Variants in COL2A1 observed in about 807,000 individuals in gnomAD.
The protein encoded by COL2A1 is collagen alpha-1(II) chain.
In COL2A1, 28 loss-of-function variants were observed where a neutral mutation model predicts 204.5. The ratio of observed to expected loss-of-function variants is 0.14; its 90% confidence interval spans 0.10 to 0.19. COL2A1 has a LOEUF of 0.19. COL2A1 is among the 10% of genes least tolerant of loss of function. COL2A1 has a pLI of 1.00. For missense variants in COL2A1, 1,388 were observed against 2,027.5 expected, an observed-to-expected ratio of 0.68 and a Z score of 6.06; for synonymous variants, 708 against 718.7, an observed-to-expected ratio of 0.99 and a Z score of 0.24.
intron 26 of COL2A1, 23 bp from the exon 27 acceptor site, chr12:47,985,116 C>T (rs1201871706): frequency 1.3e-6 from 2 of 1,587,468 alleles, no homozygotes; most frequent in African/African-American, 2.7e-5. Context: ...ACACCATTCT[C>T]AGAACATAGA....
Position 47,978,143 on chromosome 12 carries a change from G to T in COL2A1, c.3004-26C>A. ...CTGGAGGGACAGAGACAAGGATGAT[G>T]AGTGCAAGTGGTAAGCACCCCTGCC... On this transcript the variant is annotated intron_variant, in intron 43 of 53. Coordinates refer to ENST00000380518, the MANE Select transcript of COL2A1 (RefSeq NM_001844.5). This position sits in a 1 kb window ranked among gnomAD's most constrained non-coding sequence, Gnocchi z 5.5. The T allele has an allele frequency of 3.1e-6, 5 of 1,603,870 alleles. No individual in the cohort carries two copies. In the South Asian group the frequency reaches 4.4e-5, roughly 14 times the overall value.
intron 30 of COL2A1, 85 bp downstream of exon 30, chr12:47,983,598 C>A (rs1408453791): frequency 3.4e-6 from 5 of 1,487,438 alleles, no homozygotes; most frequent in Non-Finnish European, 4.6e-6. Context: ...GAGGTGTGGG[C>A]CCTCCACCGA....
Position 47,978,746 on chromosome 12 carries a change from G to A in COL2A1, c.2746C>T (p.Pro916Ser), listed in dbSNP as rs748669015. ...CCAGAAGGACCAGGGGGACCAGGGG[G>A]TCCAGGGTTGCCCTAGAAGGAGAAA... is the stretch of plus-strand genomic sequence containing the variant. ...GPPGSNGNPG[P>S]PGPPGPSGKD... The change falls in exon 42 of 54, where the codon CCC becomes TCC. Residue 916 changes from proline to serine, a missense_variant. Pro to Ser is a moderately conservative substitution (Grantham distance 74, BLOSUM62 -1). Transcript: ENST00000380518. This position sits in a 1 kb window ranked among gnomAD's most constrained non-coding sequence, Gnocchi z 5.5. 5 of 1,613,034 alleles carry A rather than the reference G, an allele frequency of 3.1e-6. No individual in the cohort carries two copies. In the South Asian group the frequency reaches 3.3e-5, roughly 11 times the overall value.
intron 53 of COL2A1, 42 bp from the exon 54 acceptor site, chr12:47,973,595 T>G: frequency 6.2e-7 from 1 of 1,612,774 alleles, no homozygotes; most frequent in Non-Finnish European, 8.5e-7. Context: ...AGTAGATGCC[T>G]TGCTACCCAG....
intron 37 of COL2A1, 128 bp downstream of exon 37, chr12:47,981,215 G>A (rs1939060964): frequency 2.1e-5 from 22 of 1,060,994 alleles, no homozygotes; most frequent in Non-Finnish European, 3.1e-5. Flanking sequence ...GACCCAGCGG[G>A]TAGGGAGGGA....
intron 26 of COL2A1, 116 bp downstream of exon 26, chr12:47,985,418 A>G (rs1939339559): frequency 9.1e-7 from 1 of 1,104,948 alleles, no homozygotes; most frequent in Non-Finnish European, 1.4e-6. Flanking sequence ...CCCTGTCACA[A>G]TTCTCAAAAT....
chr12:47,982,640 T>C (rs1423894604), intron 33 of COL2A1, 31 bp from the exon 34 acceptor site: 1 of 1,516,078 alleles, frequency 6.6e-7, no homozygotes. Flanking sequence ...GAGTCTGTAG[T>C]GGACAGCACC....
intron 7 of COL2A1, among the ~76,000 whole-genome samples, chr12:47,997,075 T>C (rs193060246): frequency 1.3e-3 from 194 of 152,310 alleles, no homozygotes; most frequent in Middle Eastern, 6.8e-3. Flanking sequence ...AGTTTAAGAA[T>C]TTAAAATACA....
At position 47,976,094 on chromosome 12, in the gene COL2A1, GAA is replaced by G. The variant is rs539964790; in HGVS notation, c.3490-26_3490-25del. The stretch of plus-strand genomic sequence containing the variant: ...CCCTGCAAGAGAGAGAGGTCGTGAG[GAA>G]AGAGTGGTCACCACAGGGAAGGCTG... On this transcript the variant is annotated intron_variant, in intron 49 of 53. Transcript: ENST00000380518. The surrounding 1 kb of genome is among the most constrained non-coding windows in gnomAD (Gnocchi z 4.3). The G allele has an allele frequency of 6.5e-5, 102 of 1,557,590 alleles. No individual in the cohort carries two copies. In the Admixed American group the frequency reaches 1.3e-3, roughly 19 times the overall value.
chr12:47,984,229 A>G, intron 28 of COL2A1, 89 bp from the exon 29 acceptor site: 1 of 1,224,246 alleles, frequency 8.2e-7, no homozygotes. Flanking sequence ...CTTCTGGCCC[A>G]GAGTTTCCAG....
rs764933825 is a variant in COL2A1 at position 47,997,682 on chromosome 12, T to A, written c.455A>T (p.Asp152Val). The A allele has an allele frequency of 1.2e-6, 2 of 1,614,004 alleles. No individual in the cohort carries two copies. The highest frequency in any genetic ancestry group is 1.1e-5 in the South Asian group (1 of 91,066). Residue 152 changes from aspartate to valine, a missense_variant, in exon 7 of 54, where the codon GAT becomes GTT. Asp to Val is a radical substitution (Grantham distance 152, BLOSUM62 -3). Around this residue, in one of 3 missense-constraint regions of COL2A1, gnomAD observed 201 missense variants for 242.4 expected, o/e 0.83. Coordinates refer to ENST00000380518, the MANE Select transcript of COL2A1 (RefSeq NM_001844.5). ...ATTTCCAGGGGTCCCAGGTTCTCCA[T>A]CTCTGCCACGAGGTCCAGGGGCACC... is the stretch of plus-strand genomic sequence containing the variant. Reference protein sequence around the residue: ...EKGAPGPRGRDGEPGTPGNPG... With the variant: ...EKGAPGPRGRVGEPGTPGNPG...
chr12:47,983,115 G>C lies in COL2A1; in HGVS notation c.2072C>G (p.Ala691Gly). Reference protein sequence around the residue: ...GDQGVPGEAGAPGLVGPRGER... With the variant: ...GDQGVPGEAGGPGLVGPRGER... The stretch of plus-strand genomic sequence containing the variant: ...CACCCTGGGACCCACGAGGCCAGGG[G>C]CTCCAGCTTCACCGGGAACACCCTG... Residue 691 changes from alanine (A) to glycine (G), a missense_variant, in exon 32 of 54, where the codon GCC (alanine) becomes GGC (glycine). By Grantham distance (60) the Ala-to-Gly change is moderately conservative. Around this residue, in one of 3 missense-constraint regions of COL2A1, gnomAD observed 884 missense variants for 1,415.8 expected, o/e 0.62. Coordinates refer to ENST00000380518, the MANE Select transcript of COL2A1 (RefSeq NM_001844.5). The C allele has an allele frequency of 1.2e-6, 2 of 1,613,892 alleles. No homozygotes were observed. The highest frequency in any genetic ancestry group is 8.5e-7 in the Non-Finnish European group (1 of 1,179,898).
Position 47,983,685 on chromosome 12 carries a change from G to T in COL2A1, c.1993C>A (p.Gln665Lys). 6.3e-7 allele frequency: 1 copy of T among 1,599,458 alleles called. No homozygotes were observed. The highest frequency in any genetic ancestry group is 2.3e-5 in the East Asian group (1 of 44,290). ...GAGAGCCTGGTCCAGCCACCTACCT[G>T]GAACCCAGATGGCCCAGGAGCACCC... ...EQGAPGPSGF[Q>K]GLPGPPGPPG... The change falls in exon 30 of 54, where the codon CAG becomes AAG. Residue 665 changes from glutamine to lysine, a missense_variant and splice_region_variant. Coordinates refer to ENST00000380518, the MANE Select transcript of COL2A1 (RefSeq NM_001844.5).
Position 47,975,546 on chromosome 12 carries a change from G to T in COL2A1, c.3657C>A (p.Asp1219Glu). The T allele has an allele frequency of 1.9e-6, 3 of 1,605,574 alleles. No individual in the cohort carries two copies. Among genetic ancestry groups the T allele is most frequent in the Non-Finnish European group, 2.5e-6 (3 of 1,179,966 alleles). ...GGCCTAAGCCAGCAAAGGCGGACATGTCGATGCCAGGGCCAGGGGGACCTG... is the reference window on the plus strand; with the variant it reads ...GGCCTAAGCCAGCAAAGGCGGACATTTCGATGCCAGGGCCAGGGGGACCTG... ...GPPGPPGPGIDMSAFAGLGPR... is the reference protein window; with the variant it reads ...GPPGPPGPGIEMSAFAGLGPR... The change falls in exon 51 of 54, where the codon GAC (aspartate) becomes GAA (glutamate). Residue 1219 changes from aspartate (D) to glutamate (E), a missense_variant. Physicochemically the swap from Asp to Glu is conservative, Grantham distance 45. Coordinates refer to ENST00000380518, the MANE Select transcript of COL2A1 (RefSeq NM_001844.5).
Position 47,989,798 on chromosome 12 carries a change from C to T in COL2A1, c.1031G>A (p.Arg344Gln), listed in dbSNP as rs1315554899. The stretch of plus-strand genomic sequence containing the variant: ...GGGGCCTGGCTGACCATCGTTGCCT[C>T]GGGCACCCTGTGAGCAAGAAGGAAG... ...RTGPAGAAGA[R>Q]GNDGQPGPAG... The change falls in exon 17 of 54, where the codon CGA becomes CAA. Residue 344 changes from arginine (R) to glutamine (Q), a missense_variant. Physicochemically the swap from Arg to Gln is conservative, Grantham distance 43. Transcript: ENST00000380518. 1.2e-6 allele frequency: 2 copies of T among 1,613,314 alleles called. No individual in the cohort carries two copies. Among genetic ancestry groups the T allele is most frequent in the South Asian group, 1.1e-5 (1 of 91,072 alleles).
In COL2A1 at chr12:47,986,407, C is replaced by T; in HGVS notation, c.1456G>A (p.Gly486Ser). The T allele has an allele frequency of 6.4e-7, 1 of 1,564,072 alleles. No individual in the cohort carries two copies. The highest frequency in any genetic ancestry group is 8.7e-7 in the Non-Finnish European group (1 of 1,153,884). The part of the protein sequence containing the change: ...AGPQGAPGPA[G>S]EEGKRGARGE... Reference sequence around the variant, plus strand: ...CGGGCACCTCTCTTGCCTTCTTCACCAGCGGGTCCAGGGGCTCCCTGGGGG... The same window carrying T: ...CGGGCACCTCTCTTGCCTTCTTCACTAGCGGGTCCAGGGGCTCCCTGGGGG... The change falls in exon 23 of 54, where the codon GGT becomes AGT. Residue 486 changes from glycine (G) to serine (S), a missense_variant. Around this residue, in one of 3 missense-constraint regions of COL2A1, gnomAD observed 884 missense variants for 1,415.8 expected, o/e 0.62. Coordinates refer to ENST00000380518, the MANE Select transcript of COL2A1 (RefSeq NM_001844.5).
Position 47,977,444 on chromosome 12 carries a change from C to T in COL2A1, c.3166-17G>A. The T allele has an allele frequency of 6.2e-7, 1 of 1,603,406 alleles. No individual in the cohort carries two copies. Among genetic ancestry groups the T allele is most frequent in the Non-Finnish European group, 8.5e-7 (1 of 1,171,224 alleles). On this transcript the variant is annotated splice_polypyrimidine_tract_variant and intron_variant, in intron 45 of 53. Coordinates refer to ENST00000380518, the MANE Select transcript of COL2A1 (RefSeq NM_001844.5). ...ACGATCACCCTGTCAGGAGAGAGGT[C>T]TCAGGCTCAGAGAAGAATGTTCCAG... is the stretch of plus-strand genomic sequence containing the variant.
rs1291872050 is a variant in COL2A1 at position 47,973,019 on chromosome 12, C to T, written c.*388G>A. The T allele has an allele frequency of 6.9e-5, 35 of 505,846 alleles. No homozygotes were observed. The highest frequency in any genetic ancestry group is 6.6e-5 in the Non-Finnish European group (19 of 288,386). 31.3% of individuals were successfully genotyped at this position (505,846 alleles called of 1,614,324 possible). A position where few individuals can be genotyped will look rare whatever the true frequency, so the allele number is the denominator to read the frequency against. On this transcript the variant is annotated 3_prime_UTR_variant, in exon 54 of 54. Transcript: ENST00000380518. ...ATATCAATTGATGTTTTAAAAAATA[C>T]AGAGGTGTTTGACACAGAATAGCAC...
intron 14 of COL2A1, 58 bp downstream of exon 14, chr12:47,993,751 A>G: frequency 6.4e-7 from 1 of 1,571,910 alleles, no homozygotes; most frequent in South Asian, 1.1e-5. Context: ...CTGGCTAGGA[A>G]GAGGGGCTCC....
Sources: allele counts gnomAD v4.1 joint callset (sites outside exome capture counted in the v4.1 genomes callset), GRCh38; gene constraint gnomAD v4.1.1; regional missense constraint gnomAD v4.1.1; non-coding constraint Gnocchi (gnomAD v3.1); transcripts MANE v1.5; gene names NCBI Gene and HGNC (gene_info 2026-07-23, HGNC 2026-07-21).